Variants in NLGN2 observed in about 807,000 individuals in gnomAD.
NLGN2 encodes the protein neuroligin-2.
NLGN2 carries 11 observed loss-of-function variants against 48.6 expected under a neutral mutation model. That is an observed-to-expected ratio of 0.23 (90% CI 0.14 to 0.37). The LOEUF (loss-of-function observed/expected upper bound fraction) is 0.37. Ranked by LOEUF, NLGN2 falls within the 10% of genes least tolerant of loss-of-function variation. The pLI is 1.00. For synonymous variants in NLGN2, 548 were observed against 550.0 expected (o/e 1.00, Z 0.05); for missense variants, 801 against 1,225.2 (o/e 0.65, Z 5.17).
intron 2 of NLGN2, 120 bp from the exon 3 acceptor site, chr17:7,414,224 A>G (rs1907003602): frequency 3.5e-6 from 3 of 863,044 alleles, no homozygotes; most frequent in Non-Finnish European, 5.6e-6. Context: ...TGGGAGTGAC[A>G]TGTCCCCTGA....
intron 6 of NLGN2, among the ~76,000 whole-genome samples, chr17:7,416,320 CAG>C (rs1907099817): frequency 6.6e-6 from 1 of 152,168 alleles, no homozygotes. Context: ...GGGGCCCACT[CAG>C]TGGCTTTGGC....
chr17:7,406,189 C>A (rs1906629624), upstream of NLGN2, among the ~76,000 whole-genome samples: 1 of 152,004 alleles, frequency 6.6e-6, no homozygotes, highest in African/African-American at 2.4e-5. Flanking sequence ...GGGTGAGAGA[C>A]TGAAGGCAAG....
rs1907029247 is a variant in NLGN2, at chr17:7,414,748, C to T, written c.744C>T (p.Asn248=). ...AGGCCCTGCGCTGGCTCAGTGAAAA[C>T]ATCGCCCACTTTGGGGGCGACCCCG... ...QIQALRWLSE[N]IAHFGGDPER... The change falls in exon 4 of 7, where the codon AAC becomes AAT. Residue 248 remains asparagine (N), a synonymous_variant. Coordinates refer to ENST00000302926, the MANE Select transcript of NLGN2 (RefSeq NM_020795.4). The T allele has an allele frequency of 1.2e-6, 2 of 1,614,216 alleles. No individual in the cohort carries two copies. The highest frequency in any genetic ancestry group is 1.3e-5 in the African/African-American group (1 of 75,050).
chr17:7,418,764 T>A lies in NLGN2; in HGVS notation c.*965T>A, dbSNP rs1346911134. The A allele has an allele frequency of 6.6e-6, 1 of 151,056 alleles. No individual in the cohort carries two copies. Among genetic ancestry groups the A allele is most frequent in the Admixed American group, 6.6e-5 (1 of 15,120 alleles). The allele number at this position is 151,056 out of a possible 1,614,324, so 9.4% of individuals were successfully genotyped here. A position where few individuals can be genotyped will look rare whatever the true frequency, so the allele number is the denominator to read the frequency against. ...TTGCTCCCGAGTTGGGGGGAGGGGG[T>A]GTGGCAACGTGCCCCCCGCAGAGGC... is the stretch of plus-strand genomic sequence containing the variant. On this transcript the variant is annotated 3_prime_UTR_variant, in exon 7 of 7. Transcript: ENST00000302926.
At chr17:7,409,010 A>T (rs1432040752) in intron 1 of NLGN2, among the ~76,000 whole-genome samples, 1 of 152,164 alleles carries the variant, frequency 6.6e-6, no homozygotes, top group Non-Finnish European at 1.5e-5. Flanking sequence ...AAAGAGGCAC[A>T]GTCTGCCAGC....
intron 1 of NLGN2, among the ~76,000 whole-genome samples, chr17:7,410,055 T>C (rs1174040021): frequency 6.6e-6 from 1 of 151,950 alleles, no homozygotes; most frequent in Non-Finnish European, 1.5e-5. Flanking sequence ...TCCTCAATCA[T>C]TGTTTACCCC....
intron 2 of NLGN2, 112 bp downstream of exon 2, chr17:7,412,319 A>G: frequency 1.3e-6 from 1 of 763,432 alleles, no homozygotes. Context: ...CGTTCTCCCA[A>G]CTAAAATGAA....
Position 7,414,948 on chromosome 17 carries a change from C to T in NLGN2, c.845-8C>T, listed in dbSNP as rs1435040902. On this transcript the variant is annotated splice_polypyrimidine_tract_variant and splice_region_variant and intron_variant, in intron 4 of 6. Transcript: ENST00000302926. The stretch of plus-strand genomic sequence containing the variant: ...ACAGCCTGGCCTGAGGTCTGCCTGT[C>T]CCGCCAGGGCTGTTCCAGAAGGCCA... 3 of 1,612,866 alleles carry T rather than the reference C, an allele frequency of 1.9e-6. No homozygotes were observed. The highest frequency in any genetic ancestry group is 2.5e-6 in the Non-Finnish European group (3 of 1,180,018).
Position 7,415,990 on chromosome 17 carries a change from A to G in NLGN2, c.1517A>G (p.Tyr506Cys). ...ADAAHGDELP[Y>C]VFGVPMVGAT... ...GCGGCGCACGGGGATGAACTGCCCT[A>G]TGTCTTTGGCGTGCCCATGGTGGGT... The change falls in exon 6 of 7, where the codon TAT (tyrosine) becomes TGT (cysteine). Residue 506 changes from tyrosine to cysteine, a missense_variant. Physicochemically the swap from Tyr to Cys is radical, Grantham distance 194. Around this residue, in one of 5 missense-constraint regions of NLGN2, gnomAD observed 303 missense variants for 600.1 expected, o/e 0.50. Coordinates refer to ENST00000302926, the MANE Select transcript of NLGN2 (RefSeq NM_020795.4). 6.2e-7 allele frequency: 1 copy of G among 1,614,134 alleles called. No individual in the cohort carries two copies. The highest frequency in any genetic ancestry group is 8.5e-7 in the Non-Finnish European group (1 of 1,180,020).
chr17:7,415,123 G>C lies in NLGN2; in HGVS notation c.1012G>C (p.Val338Leu). ...CLRRKPSRELVDQDVQPARYH... is the reference protein window; with the variant it reads ...CLRRKPSRELLDQDVQPARYH... ...GCGCCGGAAGCCCTCCCGGGAGCTGGTGGACCAGGACGTGCAGCCTGCCCG... is the reference window on the plus strand; with the variant it reads ...GCGCCGGAAGCCCTCCCGGGAGCTGCTGGACCAGGACGTGCAGCCTGCCCG... The change falls in exon 5 of 7, where the codon GTG becomes CTG. Residue 338 changes from valine (V) to leucine (L), a missense_variant. By Grantham distance (32) the Val-to-Leu change is conservative. This residue lies in a region of NLGN2 where 303 missense variants were observed against 600.1 expected (regional missense o/e 0.50). Transcript: ENST00000302926. 1 of 1,605,120 alleles carries C rather than the reference G, an allele frequency of 6.2e-7. No individual in the cohort carries two copies. The highest frequency in any genetic ancestry group is 8.5e-7 in the Non-Finnish European group (1 of 1,174,930).
At position 7,413,858 on chromosome 17, in the gene NLGN2, C is replaced by A. The variant is rs1313132398; in HGVS notation, c.509-486C>A. On this transcript the variant is annotated intron_variant, in intron 2 of 6. Coordinates refer to ENST00000302926, the MANE Select transcript of NLGN2 (RefSeq NM_020795.4). The surrounding 1 kb of genome is among the most constrained non-coding windows in gnomAD (Gnocchi z 4.9). ...CACCCCTCACCCACAGACCAGGGAC[C>A]CTAGGCCTGGCACCCCTCACCCACC... Among the ~76,000 whole-genome samples, 1 of 152,034 alleles carries A rather than the reference C, an allele frequency of 6.6e-6. No individual in the cohort carries two copies. Among genetic ancestry groups the A allele is most frequent in the Admixed American group, 6.5e-5 (1 of 15,276 alleles).
intron 1 of NLGN2, among the ~76,000 whole-genome samples, chr17:7,410,381 T>G (rs1906832737): frequency 6.6e-6 from 1 of 151,746 alleles, no homozygotes; most frequent in Admixed American, 6.6e-5. Flanking sequence ...GCACCCTAGT[T>G]CCCCATAAGC....
In NLGN2 at chr17:7,408,987, C is replaced by G. The variant is rs187691636; in HGVS notation, c.457+275C>G. Among the ~76,000 whole-genome samples, 341 of 152,260 alleles carry G rather than the reference C, an allele frequency of 2.2e-3. No individual in the cohort carries two copies. Among genetic ancestry groups the G allele is most frequent in the Middle Eastern group, 0.02 (6 of 294 alleles). On this transcript the variant is annotated intron_variant, in intron 1 of 6. Transcript: ENST00000302926. The surrounding 1 kb of genome is among the most constrained non-coding windows in gnomAD (Gnocchi z 7.5). ...ATGGCAGGCACTGGACTAGGCTCACCCACTGTCTCCCCAAAGAGGCACAGT... is the reference window on the plus strand; with the variant it reads ...ATGGCAGGCACTGGACTAGGCTCACGCACTGTCTCCCCAAAGAGGCACAGT...
chr17:7,412,239 T>C (rs1359671229), intron 2 of NLGN2, 32 bp downstream of exon 2: 3 of 1,594,074 alleles, frequency 1.9e-6, no homozygotes, highest in East Asian at 2.2e-5. Context: ...CTGCATGTGG[T>C]TGCTTATAAG....
rs781316074 is a variant in NLGN2, at chr17:7,417,765, C to T, written c.2474C>T (p.Thr825Met). The change falls in exon 7 of 7, where the codon ACG (threonine) becomes ATG (methionine). Residue 825 changes from threonine to methionine, a missense_variant. This residue lies in a region of NLGN2 where 276 missense variants were observed against 313.9 expected (regional missense o/e 0.88). Coordinates refer to ENST00000302926, the MANE Select transcript of NLGN2 (RefSeq NM_020795.4). Reference protein sequence around the residue: ...PPPTATSHNNTLPHPHSTTRV With the variant: ...PPPTATSHNNMLPHPHSTTRV ...CCCACCGCCACCAGCCACAACAACACGCTACCCCACCCCCACTCCACCACT... is the reference window on the plus strand; with the variant it reads ...CCCACCGCCACCAGCCACAACAACATGCTACCCCACCCCCACTCCACCACT... 1.2e-5 allele frequency: 16 copies of T among 1,327,458 alleles called. No homozygotes were observed. The highest frequency in any genetic ancestry group is 4.8e-5 in the African/African-American group (3 of 62,982). 82.2% of individuals were successfully genotyped at this position (1,327,458 alleles called of 1,614,324 possible). A position where few individuals can be genotyped will look rare whatever the true frequency, so the allele number is the denominator to read the frequency against.
intron 2 of NLGN2, 82 bp downstream of exon 2, chr17:7,412,289 AGCCCTCAAG>A (rs1264526905): frequency 1.0e-6 from 1 of 1,002,046 alleles, no homozygotes; most frequent in African/African-American, 1.6e-5. Flanking sequence ...ATGTCCCCAC[AGCCCTCAAG>A]GCCCCTCAGT....
rs1435040902 is a variant in NLGN2, at chr17:7,414,948, C to G, written c.845-8C>G. 1.9e-6 allele frequency: 3 copies of G among 1,612,748 alleles called. No individual in the cohort carries two copies. The highest frequency in any genetic ancestry group is 2.5e-6 in the Non-Finnish European group (3 of 1,180,026). The stretch of plus-strand genomic sequence containing the variant: ...ACAGCCTGGCCTGAGGTCTGCCTGT[C>G]CCGCCAGGGCTGTTCCAGAAGGCCA... On this transcript the variant is annotated splice_polypyrimidine_tract_variant and splice_region_variant and intron_variant, in intron 4 of 6. Coordinates refer to ENST00000302926, the MANE Select transcript of NLGN2 (RefSeq NM_020795.4).
Position 7,408,365 on chromosome 17 carries a change from GCGA to G in NLGN2, c.111_113del (p.Glu39del). The G allele has an allele frequency of 6.7e-7, 1 of 1,500,814 alleles. No homozygotes were observed. The highest frequency in any genetic ancestry group is 2.8e-5 in the East Asian group (1 of 35,518). The allele number at this position is 1,500,814 out of a possible 1,614,324, so 93.0% of individuals were successfully genotyped here. A position where few individuals can be genotyped will look rare whatever the true frequency, so the allele number is the denominator to read the frequency against. ...CCCGGCCTGGGCCTCGGCAGCCTCG[GCGA>G]GGAGCGCTTCCCGGTGGTGAACACG... is the stretch of plus-strand genomic sequence containing the variant. On this transcript the variant is annotated inframe_deletion, in exon 1 of 7. Transcript: ENST00000302926. This position sits in a 1 kb window ranked among gnomAD's most constrained non-coding sequence, Gnocchi z 7.5.
Position 7,412,178 on chromosome 17 carries a change from A to G in NLGN2, c.479A>G (p.Asp160Gly), listed in dbSNP as rs1467675154. The change falls in exon 2 of 7, where the codon GAC (aspartate) becomes GGC (glycine). Residue 160 changes from aspartate (D) to glycine (G), a missense_variant. Asp to Gly is a moderately conservative substitution (Grantham distance 94). This residue lies in a region of NLGN2 where 56 missense variants were observed against 100.0 expected (regional missense o/e 0.56). Transcript: ENST00000302926. Reference sequence around the variant, plus strand: ...TTAGGTCCGCTCACAAAAAAACGTGACGAGGCGACGCTCAATCCGCCAGAC... The same window carrying G: ...TTAGGTCCGCTCACAAAAAAACGTGGCGAGGCGACGCTCAATCCGCCAGAC... ...TEDGPLTKKR[D>G]EATLNPPDTD... 23 of 1,611,190 alleles carry G rather than the reference A, an allele frequency of 1.4e-5. No individual in the cohort carries two copies. Among genetic ancestry groups the G allele is most frequent in the Non-Finnish European group, 2.0e-5 (23 of 1,178,988 alleles).
Sources: allele counts gnomAD v4.1 joint callset (sites outside exome capture counted in the v4.1 genomes callset), GRCh38; gene constraint gnomAD v4.1.1; regional missense constraint gnomAD v4.1.1; non-coding constraint Gnocchi (gnomAD v3.1); transcripts MANE v1.5; gene names NCBI Gene and HGNC (gene_info 2026-07-23, HGNC 2026-07-21).